The following MARCHF1 variants were observed in gnomAD, a reference collection of about 807,000 sequenced individuals.
MARCHF1 encodes the protein E3 ubiquitin-protein ligase MARCHF1.
A neutral mutation model predicts 54.2 loss-of-function variants in MARCHF1; 40 were observed. The ratio of observed to expected loss-of-function variants is 0.74; its 90% confidence interval spans 0.57 to 0.96. The LOEUF is 0.96. MARCHF1 is among the 40% of genes least tolerant of loss of function. The pLI is 0.00. For missense variants in MARCHF1, 586 were observed against 656.5 expected, an observed-to-expected ratio of 0.89 and a Z score of 1.17; for synonymous variants, 236 against 236.3, an observed-to-expected ratio of 1.00 and a Z score of 0.01.
intron 4 of MARCHF1, among the ~76,000 whole-genome samples, chr4:163,788,816 C>T (rs938987127): frequency 1.3e-5 from 2 of 151,990 alleles, no homozygotes; most frequent in Admixed American, 1.3e-4. Flanking sequence ...ATTGAGCCTA[C>T]AATCCAAGAG....
At chr4:164,131,609 T>G (rs768416560) in intron 1 of MARCHF1, among the ~76,000 whole-genome samples, 1 of 152,072 alleles carries the variant, frequency 6.6e-6, no homozygotes, top group Non-Finnish European at 1.5e-5. Flanking sequence ...CAAACAGAAA[T>G]AGGAAACAAT....
At chr4:164,285,664 G>A (rs931124705) in intron 1 of MARCHF1, among the ~76,000 whole-genome samples, 3 of 151,190 alleles carry the variant, frequency 2.0e-5, no homozygotes, top group Non-Finnish European at 4.4e-5. Context: ...GGACAGTCTC[G>A]ATCTCCTGAC....
At chr4:164,091,860 TTTTGTG>T (rs1035097485) in intron 2 of MARCHF1, among the ~76,000 whole-genome samples, 1 of 49,240 alleles carries the variant, frequency 2.0e-5, no homozygotes, top group African/African-American at 7.8e-5. Context: ...ATATGTATAC[TTTTGTG>T]TGTGTGTGTG....
At chr4:164,220,617 AT>A (rs963690834) in intron 1 of MARCHF1, among the ~76,000 whole-genome samples, 14 of 146,038 alleles carry the variant, frequency 9.6e-5, no homozygotes, top group South Asian at 2.1e-4. Context: ...TATGCTATAT[AT>A]GCATATATGT....
At chr4:164,229,733 G>A (rs1041685668) in intron 1 of MARCHF1, among the ~76,000 whole-genome samples, 2 of 152,122 alleles carry the variant, frequency 1.3e-5, no homozygotes, top group African/African-American at 2.4e-5. Flanking sequence ...GGCAGAAGGC[G>A]AAGGGGGAGT....
chr4:163,644,080 G>T (rs1742663717), intron 5 of MARCHF1, among the ~76,000 whole-genome samples: 1 of 151,924 alleles, frequency 6.6e-6, no homozygotes, highest in African/African-American at 2.4e-5. Context: ...TAACATTTAG[G>T]TAAAGCTAAT....
chr4:163,990,077 T>G (rs1579444175), intron 2 of MARCHF1, among the ~76,000 whole-genome samples: 1 of 152,368 alleles, frequency 6.6e-6, no homozygotes, highest in East Asian at 1.9e-4. Context: ...AAAAAAGATC[T>G]GTACTGCTGT....
chr4:163,995,379 T>G (rs994393025), intron 2 of MARCHF1, among the ~76,000 whole-genome samples: 1 of 152,128 alleles, frequency 6.6e-6, no homozygotes, highest in African/African-American at 2.4e-5. Context: ...CCAGTCCTTC[T>G]GGGTTTTTAT....
chr4:163,912,374 T>C (rs1751211954), intron 3 of MARCHF1, among the ~76,000 whole-genome samples: 1 of 152,154 alleles, frequency 6.6e-6, no homozygotes. Flanking sequence ...AAGTGTTATG[T>C]AATTACTCCC....
At chr4:164,036,144 A>G (rs1753997210) in intron 2 of MARCHF1, among the ~76,000 whole-genome samples, 1 of 147,990 alleles carries the variant, frequency 6.8e-6, no homozygotes, top group Admixed American at 6.7e-5. Context: ...AAAAAAAAAC[A>G]ATTTTTAATT....
In MARCHF1 at chr4:163,875,069, A is replaced by G. The variant is rs190895642; in HGVS notation, c.-38-20900T>C. ...GACTTCATGTTTATAAAATATCTCT[A>G]TAATTCCCTATTTTCTTTAATTCTG... On this transcript the variant is annotated intron_variant, in intron 3 of 9. Transcript: ENST00000514618. Among the ~76,000 whole-genome samples the G allele has an allele frequency of 1.5e-3, 231 of 152,314 alleles. 2 individuals are homozygous for G. The highest frequency in any genetic ancestry group is 4.9e-3 in the African/African-American group (202 of 41,588).
intron 1 of MARCHF1, among the ~76,000 whole-genome samples, chr4:164,169,168 T>C (rs919762455): frequency 1.3e-5 from 2 of 152,122 alleles, no homozygotes; most frequent in Non-Finnish European, 2.9e-5. Flanking sequence ...TACTATCCCA[T>C]ATCATCATAT....
intron 3 of MARCHF1, among the ~76,000 whole-genome samples, chr4:163,978,499 T>C (rs1310945580): frequency 6.6e-6 from 1 of 152,132 alleles, no homozygotes; most frequent in Non-Finnish European, 1.5e-5. Flanking sequence ...TATGAGGTAG[T>C]TCTCATACTT....
chr4:164,306,717 G>C (rs148491037), intron 1 of MARCHF1, among the ~76,000 whole-genome samples: 1 of 152,182 alleles, frequency 6.6e-6, no homozygotes, highest in African/African-American at 2.4e-5. Flanking sequence ...ATACAGAAAG[G>C]TTGCAAATTT....
chr4:163,949,035 C>T (rs942041547), intron 3 of MARCHF1, among the ~76,000 whole-genome samples: 1 of 152,192 alleles, frequency 6.6e-6, no homozygotes, highest in Admixed American at 6.5e-5. Flanking sequence ...GCACCTTTGC[C>T]CGTGTTTTGC....
At chr4:164,332,180 T>C (rs2110807668) in intron 1 of MARCHF1, among the ~76,000 whole-genome samples, 1 of 152,286 alleles carries the variant, frequency 6.6e-6, no homozygotes, top group South Asian at 2.1e-4. Flanking sequence ...CTCCGTCAGG[T>C]CTTTTTTATT....
chr4:164,058,675 C>A (rs1754547395), intron 2 of MARCHF1, among the ~76,000 whole-genome samples: 1 of 152,206 alleles, frequency 6.6e-6, no homozygotes, highest in African/African-American at 2.4e-5. Context: ...GGGTTCTCAG[C>A]CTCTCACACT....
chr4:164,370,337 A>G (rs1478190708), intron 1 of MARCHF1, among the ~76,000 whole-genome samples: 1 of 152,242 alleles, frequency 6.6e-6, no homozygotes, highest in African/African-American at 2.4e-5. Context: ...AAGAAACAGT[A>G]TTATAGAAAT....
chr4:163,637,401 A>G lies in MARCHF1; in HGVS notation c.163-24008T>C, dbSNP rs1024058378. The stretch of plus-strand genomic sequence containing the variant: ...CAATGAACTCAAACAAATTTACAAG[A>G]AAAAAACAACCCCATCAAAAAGTGG... On this transcript the variant is annotated intron_variant, in intron 5 of 9. Coordinates refer to ENST00000514618, the MANE Select transcript of MARCHF1 (RefSeq NM_001394959.1). Among the ~76,000 whole-genome samples, 82 of 152,094 alleles carry G rather than the reference A, an allele frequency of 5.4e-4. 1 individual carries two copies. The highest frequency in any genetic ancestry group is 1.6e-3 in the African/African-American group (67 of 41,538).
Sources: gnomAD v4.1 joint callset for allele counts (sites outside exome capture counted in the v4.1 genomes callset) on GRCh38, gnomAD v4.1.1 for gene constraint, MANE v1.5 for transcripts, NCBI Gene and HGNC (gene_info 2026-07-23, HGNC 2026-07-21) for gene names.